CACNA2D3: variants seen among roughly 807,000 people sequenced by gnomAD.
CACNA2D3 encodes the protein voltage-dependent calcium channel subunit alpha-2/delta-3.
Under a neutral mutation model 160.6 loss-of-function variants are expected in CACNA2D3, and 60 were observed. The ratio of observed to expected loss-of-function variants is 0.37; its 90% CI spans 0.30 to 0.46. The LOEUF (loss-of-function observed/expected upper bound fraction) is 0.46. CACNA2D3 is among the 20% of genes least tolerant of loss of function. CACNA2D3 has a pLI of 1.00. For synonymous variants in CACNA2D3, 558 were observed against 492.9 expected (o/e 1.13, Z -1.75); for missense variants, 1,205 against 1,365.0 (o/e 0.88, Z 1.85).
chr3:54,559,735 C>T (rs1240268101), intron 5 of CACNA2D3, among the ~76,000 whole-genome samples: 1 of 152,178 alleles, frequency 6.6e-6, no homozygotes, highest in Non-Finnish European at 1.5e-5. Context: ...TAATCCCCTC[C>T]GTCCTCCAAA....
chr3:54,982,504 A>T (rs1205460863), intron 29 of CACNA2D3, among the ~76,000 whole-genome samples: 1 of 152,110 alleles, frequency 6.6e-6, no homozygotes, highest in Non-Finnish European at 1.5e-5. Flanking sequence ...GGGTCTCTTC[A>T]GTATCATCCA....
At chr3:54,239,267 G>A (rs4928019) in intron 2 of CACNA2D3, among the ~76,000 whole-genome samples, 87,810 of 152,032 alleles carry the variant, frequency 0.58, 26,060 homozygotes, top group African/African-American at 0.71. Context: ...TTTCAACTCT[G>A]TAAGCAAGAA....
chr3:54,336,412 A>T (rs1465517755), intron 3 of CACNA2D3, among the ~76,000 whole-genome samples: 1 of 152,164 alleles, frequency 6.6e-6, no homozygotes, highest in Non-Finnish European at 1.5e-5. Context: ...CTAGATTGGC[A>T]GCCTGAGCTC....
chr3:54,466,990 A>G (rs1700639774), intron 4 of CACNA2D3, among the ~76,000 whole-genome samples: 3 of 152,232 alleles, frequency 2.0e-5, no homozygotes, highest in Non-Finnish European at 2.9e-5. Context: ...AGTACCATTC[A>G]GTTCTCAATA....
Position 54,630,632 on chromosome 3 carries a change from T to G in CACNA2D3, c.1053+2756T>G, listed in dbSNP as rs371419511. Among the ~76,000 whole-genome samples the G allele has an allele frequency of 4.6e-5, 7 of 152,294 alleles. No individual in the cohort carries two copies. The East Asian group carries it at 9.7e-4, about 21-fold the overall frequency. ...ATACCATCATCTCCGTATTAGCATCTTGTAGAAGTTACAGCTCACCAACCA... is the reference window on the plus strand; with the variant it reads ...ATACCATCATCTCCGTATTAGCATCGTGTAGAAGTTACAGCTCACCAACCA... On this transcript the variant is annotated intron_variant, in intron 10 of 37. Transcript: ENST00000474759.
intron 29 of CACNA2D3, among the ~76,000 whole-genome samples, chr3:54,972,715 A>G (rs1702302203): frequency 6.6e-6 from 1 of 152,172 alleles, no homozygotes; most frequent in South Asian, 2.1e-4. Flanking sequence ...AGTGTGCCAG[A>G]TGCTCTGCCA....
chr3:54,480,632 A>G (rs921778134), intron 4 of CACNA2D3, among the ~76,000 whole-genome samples: 12 of 152,196 alleles, frequency 7.9e-5, no homozygotes, highest in Non-Finnish European at 4.4e-5. Flanking sequence ...TTTCTGTAAT[A>G]TAATGATAGT....
intron 2 of CACNA2D3, among the ~76,000 whole-genome samples, chr3:54,235,608 C>A (rs1222319568): frequency 1.3e-5 from 2 of 152,224 alleles, no homozygotes; most frequent in Admixed American, 1.3e-4. Flanking sequence ...GCCTCCAACA[C>A]TGGGGGTTAT....
At chr3:54,350,245 C>T (rs1698529113) in intron 3 of CACNA2D3, among the ~76,000 whole-genome samples, 2 of 152,102 alleles carry the variant, frequency 1.3e-5, no homozygotes, top group African/African-American at 4.8e-5. Context: ...CTGAGAACTC[C>T]AAATGGGTTT....
At chr3:54,204,796 GAAAAAAAAAAA>G (rs57129457) in intron 2 of CACNA2D3, among the ~76,000 whole-genome samples, 23 of 74,058 alleles carry the variant, frequency 3.1e-4, no homozygotes, top group Admixed American at 1.1e-3. Flanking sequence ...ATGCTGTCTT[GAAAAAAAAAAA>G]AAAAAAAAAA....
chr3:54,953,806 C>T (rs1701816562), intron 27 of CACNA2D3, among the ~76,000 whole-genome samples: 2 of 152,110 alleles, frequency 1.3e-5, no homozygotes, highest in Admixed American at 1.3e-4. Context: ...CACTGCAAGT[C>T]AGTGCGCACA....
chr3:54,510,111 A>T (rs1701436493), intron 5 of CACNA2D3, among the ~76,000 whole-genome samples: 2 of 152,018 alleles, frequency 1.3e-5, no homozygotes, highest in South Asian at 2.1e-4. Flanking sequence ...GAATAGATGG[A>T]TGGACACATG....
chr3:54,322,661 C>T (rs1035041632), intron 3 of CACNA2D3, among the ~76,000 whole-genome samples: 4 of 152,132 alleles, frequency 2.6e-5, no homozygotes, highest in Non-Finnish European at 5.9e-5. Context: ...TTTGCTGTTA[C>T]AGCTGGTTAA....
chr3:54,531,994 A>G (rs1360579632), intron 5 of CACNA2D3, among the ~76,000 whole-genome samples: 1 of 152,140 alleles, frequency 6.6e-6, no homozygotes, highest in African/African-American at 2.4e-5. Flanking sequence ...GCGAGCCCAC[A>G]CTGCCTCTCT....
At chr3:54,894,593 G>C (rs543970349) in intron 25 of CACNA2D3, 18 of 515,592 alleles carry the variant, frequency 3.5e-5, no homozygotes, top group Non-Finnish European at 6.6e-5. Flanking sequence ...CCTCTTAGCT[G>C]TAATGACCAC....
At chr3:54,784,408 G>C (rs904619832) in intron 13 of CACNA2D3, among the ~76,000 whole-genome samples, 1 of 152,098 alleles carries the variant, frequency 6.6e-6, no homozygotes, top group African/African-American at 2.4e-5. Context: ...CTCTAGATGG[G>C]GGCCGGAAGG....
At chr3:54,964,157 A>G (rs1702091932) in intron 27 of CACNA2D3, among the ~76,000 whole-genome samples, 2 of 152,110 alleles carry the variant, frequency 1.3e-5, no homozygotes, top group African/African-American at 4.8e-5. Flanking sequence ...CTCACCCCAT[A>G]TTGGCACATG....
At position 54,753,017 on chromosome 3, in the gene CACNA2D3, T is replaced by C. The variant is rs572777017; in HGVS notation, c.1246+340T>C. Among the ~76,000 whole-genome samples the C allele has an allele frequency of 5.9e-5, 9 of 152,078 alleles. No individual in the cohort carries two copies. In the South Asian group the frequency reaches 1.9e-3, roughly 32 times the overall value. ...CTGAGATTACAGGTGTGCACCACAATACCCAGCTAATTTTTGTATTTTTAG... is the reference window on the plus strand; with the variant it reads ...CTGAGATTACAGGTGTGCACCACAACACCCAGCTAATTTTTGTATTTTTAG... On this transcript the variant is annotated intron_variant, in intron 12 of 37. Transcript: ENST00000474759.
At chr3:54,885,242 G>A in intron 21 of CACNA2D3, 39 bp from the exon 22 acceptor site, 1 of 1,608,394 alleles carries the variant, frequency 6.2e-7, no homozygotes. Context: ...GACTGGGGGA[G>A]TGATACTTAT....
Sources: allele counts gnomAD v4.1 joint callset (sites outside exome capture counted in the v4.1 genomes callset), GRCh38; gene constraint gnomAD v4.1.1; transcripts MANE v1.5; gene names NCBI Gene and HGNC (gene_info 2026-07-23, HGNC 2026-07-21).